Variants in SEMA4D observed in about 807,000 individuals in gnomAD.
SEMA4D encodes the protein semaphorin 4D.
SEMA4D carries 22 observed loss-of-function variants against 74.8 expected under a neutral mutation model. That is an observed-to-expected ratio of 0.29 (90% CI 0.21 to 0.42). SEMA4D has a LOEUF of 0.42. SEMA4D is among the 10% of genes least tolerant of loss of function. The pLI, the probability that SEMA4D is intolerant of heterozygous loss-of-function variation, is 1.00. For missense variants in SEMA4D, 937 were observed against 1,118.4 expected (o/e 0.84, Z 2.31); for synonymous variants, 445 against 463.7 (o/e 0.96, Z 0.52).
At position 89,482,610 on chromosome 9, in the gene SEMA4D, G is replaced by A. The variant is rs186825264; in HGVS notation, c.-310+15309C>T. Among the ~76,000 whole-genome samples the A allele has an allele frequency of 1.1e-3, 175 of 152,304 alleles. 1 individual carries two copies. The highest frequency in any genetic ancestry group is 3.6e-3 in the African/African-American group (148 of 41,552). ...GTGACACCAGCAGGAACGGACTCCC[G>A]GCCTGACACAATTCATGAATAAGGC... On this transcript the variant is annotated intron_variant, in intron 1 of 15. Coordinates refer to ENST00000422704, the MANE Select transcript of SEMA4D (RefSeq NM_001371194.2).
chr9:89,495,348 A>G (rs1461192681), intron 1 of SEMA4D, among the ~76,000 whole-genome samples: 2 of 152,104 alleles, frequency 1.3e-5, no homozygotes, highest in East Asian at 1.9e-4. Context: ...GTGCACCTAA[A>G]ACACCACCCA....
intron 2 of SEMA4D, among the ~76,000 whole-genome samples, chr9:89,455,003 G>C (rs1407173138): frequency 1.3e-5 from 2 of 152,262 alleles, no homozygotes; most frequent in Non-Finnish European, 2.9e-5. Context: ...TGGCCCAGCA[G>C]CCCTGCAGGG....
intron 13 of SEMA4D, chr9:89,384,530 G>A: frequency 1.9e-5 from 8 of 426,928 alleles, no homozygotes; most frequent in Non-Finnish European, 2.5e-5. Context: ...TTCTGTTTGG[G>A]AAGATGAAAA....
At chr9:89,385,865 T>TTTGGGGGGGGGGGG in intron 13 of SEMA4D, 1 of 213,330 alleles carries the variant, frequency 4.7e-6, no homozygotes, top group Non-Finnish European at 8.0e-6. Context: ...CCAGCGTGGA[T>TTTGGGGGGGGGGGG]GCCCGCCCAC....
At chr9:89,419,034 C>T (rs1252144253) in intron 2 of SEMA4D, among the ~76,000 whole-genome samples, 2 of 150,586 alleles carry the variant, frequency 1.3e-5, no homozygotes, top group South Asian at 2.1e-4. Flanking sequence ...TCTACAGACG[C>T]CCTGTACACC....
At chr9:89,363,837 G>T in exon 17 of SEMA4D, 1 of 1,614,128 alleles carries the variant, frequency 6.2e-7, no homozygotes, top group Non-Finnish European at 8.5e-7. Flanking sequence ...ATGGCGTCCT[G>T]CAGCCAGCTG....
At chr9:89,493,667 G>A (rs1825796991) in intron 1 of SEMA4D, among the ~76,000 whole-genome samples, 1 of 152,206 alleles carries the variant, frequency 6.6e-6, no homozygotes, top group Non-Finnish European at 1.5e-5. Context: ...AACAGATCAG[G>A]AAAATACAAA....
chr9:89,438,602 T>G (rs964563105), intron 2 of SEMA4D, among the ~76,000 whole-genome samples: 12 of 152,220 alleles, frequency 7.9e-5, no homozygotes, highest in Admixed American at 5.9e-4. Context: ...TTAGGGATAT[T>G]TGAGGCAAAA....
chr9:89,436,886 T>C (rs1331844353), intron 2 of SEMA4D, among the ~76,000 whole-genome samples: 1 of 152,124 alleles, frequency 6.6e-6, no homozygotes, highest in Non-Finnish European at 1.5e-5. Context: ...CATGGCAGGA[T>C]GGGTGAGCTG....
chr9:89,496,139 T>C (rs1011158553), intron 1 of SEMA4D, among the ~76,000 whole-genome samples: 7 of 152,154 alleles, frequency 4.6e-5, no homozygotes, highest in African/African-American at 1.4e-4. Context: ...AAATGCAACA[T>C]GGTCGCTGGT....
intron 1 of SEMA4D, among the ~76,000 whole-genome samples, chr9:89,470,923 G>C (rs1860024527): frequency 6.6e-6 from 1 of 152,186 alleles, no homozygotes; most frequent in African/African-American, 2.4e-5. Context: ...GGTATGGGAA[G>C]TTTTCTTGGA....
intron 2 of SEMA4D, among the ~76,000 whole-genome samples, chr9:89,435,102 G>C (rs918874860): frequency 2.0e-5 from 3 of 152,184 alleles, no homozygotes; most frequent in Admixed American, 1.3e-4. Flanking sequence ...TGGGGGAAGG[G>C]GCCGGCCAAG....
At position 89,495,507 on chromosome 9, in the gene SEMA4D, G is replaced by A. The variant is rs573006307; in HGVS notation, c.-310+2412C>T. ...GAACTGCACCTGCCAAGCCCAGGGC[G>A]GACCCTGGCCCAGGGAAGAGAGGAC... On this transcript the variant is annotated intron_variant, in intron 1 of 15. Transcript: ENST00000422704. Among the ~76,000 whole-genome samples, 16 of 152,168 alleles carry A rather than the reference G, an allele frequency of 1.1e-4. 1 individual carries two copies. Among genetic ancestry groups the A allele is most frequent in the Admixed American group, 8.5e-4 (13 of 15,302 alleles).
intron 4 of SEMA4D, 74 bp from the exon 5 acceptor site, chr9:89,399,412 G>T: frequency 8.9e-7 from 1 of 1,123,016 alleles, no homozygotes; most frequent in Non-Finnish European, 1.4e-6. Context: ...AATTTTAAAA[G>T]CACATGATAG....
intron 1 of SEMA4D, among the ~76,000 whole-genome samples, chr9:89,495,394 T>G (rs1825929908): frequency 6.6e-6 from 1 of 152,154 alleles, no homozygotes; most frequent in Non-Finnish European, 1.5e-5. Context: ...CCTCTCCACC[T>G]GACTGAATCA....
chr9:89,496,695 A>G (rs1826041429), intron 1 of SEMA4D, among the ~76,000 whole-genome samples: 1 of 152,226 alleles, frequency 6.6e-6, no homozygotes, highest in Non-Finnish European at 1.5e-5. Context: ...CTCTACCAGA[A>G]TCCTGCCCCT....
downstream of SEMA4D, among the ~76,000 whole-genome samples, chr9:89,374,879 C>T (rs1382610168): frequency 6.6e-6 from 1 of 152,152 alleles, no homozygotes; most frequent in Non-Finnish European, 1.5e-5. Flanking sequence ...ATGGCGAAAC[C>T]CTGTCTCTAC....
intron 1 of SEMA4D, among the ~76,000 whole-genome samples, chr9:89,461,675 G>A (rs1462540310): frequency 1.4e-5 from 2 of 146,822 alleles, no homozygotes; most frequent in East Asian, 2.1e-4. Context: ...CTGAATCCTA[G>A]GGCCAATGTG....
intron 13 of SEMA4D, chr9:89,385,055 C>T (rs1838125266): frequency 2.0e-6 from 2 of 984,954 alleles, no homozygotes; most frequent in Admixed American, 1.2e-4. Flanking sequence ...CCACTGGCTC[C>T]TCCTCCTGGG....
Sources: gnomAD v4.1 joint callset for allele counts (sites outside exome capture counted in the v4.1 genomes callset) on GRCh38, gnomAD v4.1.1 for gene constraint, MANE v1.5 for transcripts, NCBI Gene and HGNC (gene_info 2026-07-23, HGNC 2026-07-21) for gene names.